The following GOLGA4 variants were observed in gnomAD, a reference collection of about 807,000 sequenced individuals.
The protein encoded by GOLGA4 is golgin subfamily A member 4.
In GOLGA4, 169 loss-of-function variants were observed where a neutral mutation model predicts 265.9. The ratio of observed to expected loss-of-function variants is 0.64; its 90% CI spans 0.56 to 0.72. The LOEUF (loss-of-function observed/expected upper bound fraction) is 0.72. Ranked by LOEUF, GOLGA4 falls within the 30% of genes least tolerant of loss-of-function variation. GOLGA4 has a pLI of 0.00. For missense variants in GOLGA4, 2,482 were observed against 2,483.4 expected (o/e 1.00, Z 0.01); for synonymous variants, 923 against 855.8 (o/e 1.08, Z -1.37).
At chr3:37,245,617 T>A (rs1341706945) in intron 1 of GOLGA4, among the ~76,000 whole-genome samples, 1 of 152,218 alleles carries the variant, frequency 6.6e-6, no homozygotes, top group Non-Finnish European at 1.5e-5. Context: ...AGGTTTTTAG[T>A]AATAATAAGC....
intron 13 of GOLGA4, among the ~76,000 whole-genome samples, chr3:37,323,092 A>G (rs2096959587): frequency 6.7e-6 from 1 of 149,040 alleles, no homozygotes; most frequent in African/African-American, 2.5e-5. Flanking sequence ...TGGGTTAAAC[A>G]TGTAATCTTT....
At position 37,324,848 on chromosome 3, in the gene GOLGA4, A is replaced by T. The variant is rs370998054; in HGVS notation, c.2962A>T (p.Thr988Ser). The T allele has an allele frequency of 1.3e-6, 2 of 1,584,582 alleles. No homozygotes were observed. The highest frequency in any genetic ancestry group is 2.7e-5 in the African/African-American group (2 of 72,898). ...EAKLKKELEN[T>S]ALELSQKEKQ... ...CAAACTTAAGAAAGAGCTTGAAAAT[A>T]CTGCTCTAGAGCTTAGTCAGAAAGA... Residue 988 changes from threonine to serine, a missense_variant, in exon 14 of 24, where the codon ACT becomes TCT. Thr to Ser is a moderately conservative substitution (Grantham distance 58). Around this residue, in one of 3 missense-constraint regions of GOLGA4, gnomAD observed 1,536 missense variants for 1,483.7 expected, o/e 1.04. Transcript: ENST00000361924.
chr3:37,325,983 A>G lies in GOLGA4; in HGVS notation c.4097A>G (p.Lys1366Arg). 1 of 1,612,862 alleles carries G rather than the reference A, an allele frequency of 6.2e-7. No individual in the cohort carries two copies. The highest frequency in any genetic ancestry group is 8.5e-7 in the Non-Finnish European group (1 of 1,179,326). The change falls in exon 14 of 24, where the codon AAA (lysine) becomes AGA (arginine). Residue 1366 changes from lysine (K) to arginine (R), a missense_variant. Around this residue, in one of 3 missense-constraint regions of GOLGA4, gnomAD observed 942 missense variants for 983.1 expected, o/e 0.96. Transcript: ENST00000361924. ...TLMKEELKEK[K>R]VEISSLSKQL... ...ATGAAAGAAGAGCTTAAAGAAAAAA[A>G]AGTTGAGATTAGCAGTCTTAGTAAA...
At position 37,256,342 on chromosome 3, in the gene GOLGA4, A is replaced by C. The variant is rs1261632497; in HGVS notation, c.162+4858A>C. Among the ~76,000 whole-genome samples the C allele has an allele frequency of 2.6e-5, 4 of 151,912 alleles. No individual in the cohort carries two copies. In the South Asian group the frequency reaches 8.3e-4, roughly 32 times the overall value. On this transcript the variant is annotated intron_variant, in intron 2 of 23. Transcript: ENST00000361924. ...CACTGTTCTCTTTGTCTTTGATTCA[A>C]TACCATACTCCCAGCTATTCAGGAG...
intron 1 of GOLGA4, among the ~76,000 whole-genome samples, chr3:37,248,377 G>A (rs1403859947): frequency 6.6e-6 from 1 of 152,162 alleles, no homozygotes; most frequent in Non-Finnish European, 1.5e-5. Flanking sequence ...TAGCTGTCAG[G>A]TTTTTTGGTT....
chr3:37,271,829 T>A (rs1038414886), intron 2 of GOLGA4, among the ~76,000 whole-genome samples: 1 of 152,216 alleles, frequency 6.6e-6, no homozygotes, highest in Non-Finnish European at 1.5e-5. Context: ...CAAGTGAAAC[T>A]TCATCTGCAT....
In GOLGA4 at chr3:37,325,064, G is replaced by T; in HGVS notation, c.3178G>T (p.Glu1060Ter). Reference protein sequence around the residue: ...KLNQQAEELQEIHEIQLQEKE... With the variant: ...KLNQQAEELQ ...TAATCAGCAAGCTGAAGAACTTCAGGAAATACATGAAATCCAATTACAGGA... is the reference window on the plus strand; with the variant it reads ...TAATCAGCAAGCTGAAGAACTTCAGTAAATACATGAAATCCAATTACAGGA... Residue 1060 changes from glutamate (E) to a stop codon, truncating the protein, a stop_gained, in exon 14 of 24, where the codon GAA becomes TAA. Transcript: ENST00000361924. LOFTEE classifies it high-confidence loss of function. The T allele has an allele frequency of 3.7e-6, 6 of 1,612,732 alleles. No individual in the cohort carries two copies. Among genetic ancestry groups the T allele is most frequent in the Non-Finnish European group, 5.1e-6 (6 of 1,179,504 alleles).
chr3:37,345,093 C>G (rs560292123), intron 20 of GOLGA4, among the ~76,000 whole-genome samples: 1 of 151,968 alleles, frequency 6.6e-6, no homozygotes, highest in East Asian at 1.9e-4. Context: ...ACCTGTAGTC[C>G]CAGCTACTTG....
At chr3:37,247,345 G>C (rs1490517919) in intron 1 of GOLGA4, among the ~76,000 whole-genome samples, 2 of 152,164 alleles carry the variant, frequency 1.3e-5, no homozygotes, top group Non-Finnish European at 2.9e-5. Flanking sequence ...TCTGCTGGAT[G>C]TTGCATTTGC....
chr3:37,309,588 C>CA (rs927651807), intron 10 of GOLGA4, among the ~76,000 whole-genome samples: 23 of 151,898 alleles, frequency 1.5e-4, no homozygotes, highest in Non-Finnish European at 2.4e-4. Flanking sequence ...AAAAAACAAA[C>CA]AAAAAAAACC....
chr3:37,275,849 A>G, intron 2 of GOLGA4: 10 of 1,613,804 alleles, frequency 6.2e-6, no homozygotes, highest in African/African-American at 2.7e-5. Flanking sequence ...AGTTAATGCT[A>G]TTCGCAAGCA....
intron 23 of GOLGA4, among the ~76,000 whole-genome samples, chr3:37,365,619 G>C (rs1046284272): frequency 6.6e-6 from 1 of 152,082 alleles, no homozygotes; most frequent in Non-Finnish European, 1.5e-5. Flanking sequence ...AAGTCAGCGT[G>C]TTTACTCCTG....
chr3:37,330,865 T>TA (rs1224156510), intron 16 of GOLGA4, among the ~76,000 whole-genome samples: 2 of 151,870 alleles, frequency 1.3e-5, no homozygotes, highest in Non-Finnish European at 2.9e-5. Flanking sequence ...CCATCTCTAC[T>TA]AAAAATAAAA....
intron 12 of GOLGA4, chr3:37,320,515 G>A (rs939907386): frequency 6.6e-6 from 1 of 152,160 alleles, no homozygotes; most frequent in Non-Finnish European, 1.5e-5. Flanking sequence ...TGGATTTACA[G>A]TATGATTGGG....
intron 2 of GOLGA4, among the ~76,000 whole-genome samples, chr3:37,257,539 A>AGTAG (rs2096752224): frequency 2.0e-5 from 3 of 152,152 alleles, no homozygotes; most frequent in South Asian, 2.1e-4. Flanking sequence ...CCTTGCACGT[A>AGTAG]GTAGGTGCTA....
intron 13 of GOLGA4, among the ~76,000 whole-genome samples, chr3:37,322,690 G>T (rs2096958413): frequency 6.6e-6 from 1 of 152,122 alleles, no homozygotes; most frequent in African/African-American, 2.4e-5. Flanking sequence ...ATTAGATTCA[G>T]TAATTCCTTA....
chr3:37,332,461 C>T lies in GOLGA4; in HGVS notation c.6193-2592C>T, dbSNP rs757267000. On this transcript the variant is annotated intron_variant, in intron 16 of 23. Transcript: ENST00000361924. Reference sequence around the variant, plus strand: ...GGTCAATGCTGCACTGAGCTATGAACGTGCCTCTGCATTCCAGCCTGGGTG... The same window carrying T: ...GGTCAATGCTGCACTGAGCTATGAATGTGCCTCTGCATTCCAGCCTGGGTG... 4.6e-5 allele frequency among the ~76,000 whole-genome samples: 7 copies of T among 152,066 alleles called. 1 individual carries two copies. In the South Asian group the frequency reaches 8.3e-4, roughly 18 times the overall value.
At chr3:37,348,227 A>C (rs968992431) in intron 21 of GOLGA4, among the ~76,000 whole-genome samples, 2 of 152,220 alleles carry the variant, frequency 1.3e-5, no homozygotes, top group Non-Finnish European at 2.9e-5. Flanking sequence ...AATATCTTAA[A>C]AGAATATGAT....
At chr3:37,331,439 T>A (rs73825084) in intron 16 of GOLGA4, among the ~76,000 whole-genome samples, 3,378 of 152,238 alleles carry the variant, frequency 0.022, 109 homozygotes, top group African/African-American at 0.077. Flanking sequence ...AGAAATTTTT[T>A]AAAAAATGCA....
Sources: allele counts gnomAD v4.1 joint callset (sites outside exome capture counted in the v4.1 genomes callset), GRCh38; gene constraint gnomAD v4.1.1; regional missense constraint gnomAD v4.1.1; transcripts MANE v1.5; gene names NCBI Gene and HGNC (gene_info 2026-07-23, HGNC 2026-07-21).